The following SYNE2 variants were observed in gnomAD, a reference collection of about 807,000 sequenced individuals.
The protein encoded by SYNE2 is spectrin repeat containing nuclear envelope protein 2, also known as nesprin-2.
A neutral mutation model predicts 856.3 loss-of-function variants in SYNE2; 431 were observed. The observed-to-expected ratio is 0.50, with a 90% CI of 0.47 to 0.55. The LOEUF (loss-of-function observed/expected upper bound fraction) is 0.55, where lower values mean the gene tolerates loss of function less well. Among genes scored for constraint, SYNE2 ranks in the 20% least tolerant of loss-of-function variants. The probability of loss-of-function intolerance (pLI) is 0.00; values close to 1 mark genes in which losing one functional copy is unlikely to be tolerated. For synonymous variants in SYNE2, 2,923 were observed against 2,872.3 expected (o/e 1.02, Z -0.56); for missense variants, 8,129 against 8,023.2 (o/e 1.01, Z -0.50).
rs545143299 is a variant in SYNE2, at chr14:63,931,317, C to T, written c.80-9297C>T. On this transcript the variant is annotated intron_variant, in intron 2 of 115. Transcript: ENST00000555002. ...CTGTAATCCCAGCACTTTGGGAGACCGAGGCAGGTGGATCATGAGGTCAGG... is the reference window on the plus strand; with the variant it reads ...CTGTAATCCCAGCACTTTGGGAGACTGAGGCAGGTGGATCATGAGGTCAGG... Among the ~76,000 whole-genome samples, 8 of 151,896 alleles carry T rather than the reference C, an allele frequency of 5.3e-5. 1 individual carries two copies. The South Asian group carries it at 8.3e-4, about 16-fold the overall frequency.
At chr14:64,174,043 A>G (rs2153730404) in intron 94 of SYNE2, 1 of 615,024 alleles carries the variant, frequency 1.6e-6, no homozygotes, top group East Asian at 2.9e-5. Flanking sequence ...AAAAAAATAA[A>G]AATAAACAAG....
At chr14:64,133,497 A>G (rs1384451821) in intron 77 of SYNE2, among the ~76,000 whole-genome samples, 2 of 152,114 alleles carry the variant, frequency 1.3e-5, no homozygotes, top group Non-Finnish European at 2.9e-5. Context: ...GTGGGCATCC[A>G]TGGAAACGGG....
intron 1 of SYNE2, among the ~76,000 whole-genome samples, chr14:63,844,523 T>G (rs986655170): frequency 6.6e-6 from 1 of 152,240 alleles, no homozygotes; most frequent in Non-Finnish European, 1.5e-5. Flanking sequence ...TTAACTCATT[T>G]GGGTAAATAC....
chr14:64,211,846 AT>A, intron 103 of SYNE2, 114 bp from the exon 104 acceptor site: 1 of 1,503,108 alleles, frequency 6.7e-7, no homozygotes. Flanking sequence ...CTAGAGGCAG[AT>A]TTCTCCCTGA....
intron 45 of SYNE2, among the ~76,000 whole-genome samples, chr14:64,033,862 T>G (rs556316875): frequency 2.6e-5 from 4 of 152,320 alleles, no homozygotes; most frequent in African/African-American, 9.6e-5. Context: ...ATAATTTTCA[T>G]AAGTTTGGAT....
intron 99 of SYNE2, among the ~76,000 whole-genome samples, chr14:64,191,644 C>T (rs1317700896): frequency 1.3e-5 from 2 of 152,262 alleles, no homozygotes; most frequent in African/African-American, 4.8e-5. Context: ...AATACTTGGC[C>T]TTCTGAAAAA....
At chr14:64,075,427 A>C (rs1205791448) in intron 53 of SYNE2, among the ~76,000 whole-genome samples, 1 of 152,186 alleles carries the variant, frequency 6.6e-6, no homozygotes, top group Non-Finnish European at 1.5e-5. Context: ...TGGAACTGGA[A>C]CCTTCCCTTT....
chr14:64,191,708 A>G (rs2098519564), intron 99 of SYNE2, among the ~76,000 whole-genome samples: 1 of 152,178 alleles, frequency 6.6e-6, no homozygotes, highest in African/African-American at 2.4e-5. Context: ...GAAGACAAAT[A>G]TTAGGGGGAT....
In SYNE2 at chr14:63,815,258, AAG is replaced by A. The variant is rs1182571899; in HGVS notation, c.-304-37242_-304-37241del. Among the ~76,000 whole-genome samples the A allele has an allele frequency of 2.2e-5, 3 of 138,312 alleles. No individual in the cohort carries two copies. The East Asian group carries it at 6.1e-4, about 28-fold the overall frequency. The allele number at this position is 138,312 out of a possible 152,430, so 90.7% of individuals were successfully genotyped here. A position where few individuals can be genotyped will look rare whatever the true frequency, so the allele number is the denominator to read the frequency against. On this transcript the variant is annotated intron_variant, in intron 1 of 23. Coordinates refer to the SYNE2 transcript ENST00000674003. ...TATATATGGATATATATATATATAT[AAG>A]GGAGTTTATTAAGGTGTATTAAACT...
Position 64,053,604 on chromosome 14 carries a change from C to T in SYNE2, c.9691C>T (p.Arg3231Cys), listed in dbSNP as rs546650178. ...AGCGAGTGATGTGGAGACAAAACTA[C>T]GTGAGTTTGAAGATCTTCAGATGCA... ...SEASDVETKLREFEDLQMQLN... is the reference protein window; with the variant it reads ...SEASDVETKLCEFEDLQMQLN... Residue 3231 changes from arginine to cysteine, a missense_variant, in exon 48 of 116, where the codon CGT (arginine) becomes TGT (cysteine). By Grantham distance (180) the Arg-to-Cys change is radical. Transcript: ENST00000555002. The T allele has an allele frequency of 1.8e-4, 294 of 1,613,158 alleles. 3 individuals carry two copies. In the South Asian group the frequency reaches 2.5e-3, roughly 14 times the overall value.
intron 30 of SYNE2, among the ~76,000 whole-genome samples, chr14:64,003,905 G>A (rs2096774536): frequency 6.6e-6 from 1 of 152,188 alleles, no homozygotes; most frequent in Non-Finnish European, 1.5e-5. Context: ...TATACCTGCT[G>A]CCATTTTAAT....
chr14:64,160,443 C>A (rs2098320390), intron 87 of SYNE2, among the ~76,000 whole-genome samples: 1 of 152,138 alleles, frequency 6.6e-6, no homozygotes, highest in South Asian at 2.1e-4. Flanking sequence ...TTAACTTCCT[C>A]ATGGATTGGT....
rs189258639 is a variant in SYNE2, at chr14:64,010,956, C to A, written c.4728+840C>A. 1.2e-3 allele frequency among the ~76,000 whole-genome samples: 188 copies of A among 152,186 alleles called. No homozygotes were observed. In the Middle Eastern group the frequency reaches 0.034, roughly 28 times the overall value. The stretch of plus-strand genomic sequence containing the variant: ...GCCTGGCCTTTTTCTATTGATTTTA[C>A]GAGTACTAAGCTAAAGTGCTGTCAG... On this transcript the variant is annotated intron_variant, in intron 32 of 115. Transcript: ENST00000555002.
At chr14:63,983,525 A>G (rs2096602543) in intron 17 of SYNE2, among the ~76,000 whole-genome samples, 1 of 152,192 alleles carries the variant, frequency 6.6e-6, no homozygotes, top group Non-Finnish European at 1.5e-5. Context: ...ATAGTGCCTC[A>G]TAAAAGCAGA....
intron 21 of SYNE2, among the ~76,000 whole-genome samples, chr14:63,992,517 G>A (rs2096675284): frequency 6.6e-6 from 1 of 152,190 alleles, no homozygotes; most frequent in Admixed American, 6.5e-5. Context: ...CTGGCCTCAA[G>A]TGATCCTCCC....
chr14:64,139,908 A>G (rs1212233834), intron 79 of SYNE2, 33 bp from the exon 80 acceptor site: 1 of 1,613,014 alleles, frequency 6.2e-7, no homozygotes, highest in Non-Finnish European at 8.5e-7. Flanking sequence ...ATATGTTTCT[A>G]ATCTGCCTTC....
intron 1 of SYNE2, among the ~76,000 whole-genome samples, chr14:63,789,878 G>A (rs1438864813): frequency 6.6e-6 from 1 of 152,092 alleles, no homozygotes; most frequent in African/African-American, 2.4e-5. Flanking sequence ...AATTGTAGGG[G>A]AGTTTGAAAA....
chr14:64,042,040 A>G (rs2097152662), intron 45 of SYNE2, among the ~76,000 whole-genome samples: 1 of 152,216 alleles, frequency 6.6e-6, no homozygotes, highest in Non-Finnish European at 1.5e-5. Flanking sequence ...AAGAAGAATC[A>G]TACAAGGGTA....
chr14:63,813,214 G>A (rs865888294), intron 1 of SYNE2, among the ~76,000 whole-genome samples: 5 of 152,174 alleles, frequency 3.3e-5, no homozygotes, highest in African/African-American at 1.2e-4. Context: ...AATCAAGCAA[G>A]TTTAATGAGA....
Sources: gnomAD v4.1 joint callset for allele counts (sites outside exome capture counted in the v4.1 genomes callset) on GRCh38, gnomAD v4.1.1 for gene constraint, MANE v1.5 for transcripts, NCBI Gene and HGNC (gene_info 2026-07-23, HGNC 2026-07-21) for gene names.